Variants in TMEM63B observed in about 807,000 individuals in gnomAD.
TMEM63B encodes transmembrane protein 63B.
In TMEM63B, 23 loss-of-function variants were observed where a neutral mutation model predicts 102.6. That is an observed-to-expected ratio of 0.22 (90% CI 0.16 to 0.32). The LOEUF is 0.32. Ranked by LOEUF, TMEM63B falls within the 10% of genes least tolerant of loss-of-function variation. The pLI, the probability that TMEM63B is intolerant of heterozygous loss-of-function variation, is 1.00. For missense variants in TMEM63B, 628 were observed against 1,095.9 expected (o/e 0.57, Z 6.03); for synonymous variants, 444 against 437.0 (o/e 1.02, Z -0.20).
intron 8 of TMEM63B, 78 bp downstream of exon 8, chr6:44,139,837 C>A: frequency 6.3e-7 from 1 of 1,577,872 alleles, no homozygotes; most frequent in Non-Finnish European, 8.7e-7. Flanking sequence ...GGAGGAAAGG[C>A]AGCTGCGTTG....
rs140159200 is a variant in TMEM63B, at chr6:44,141,030, G to A, written c.714G>A (p.Val238=). Reference sequence around the variant, plus strand: ...AAACCCACTCCCCTGTCACCCAGGTGAAGCGGACCCTCTTCATCAATGGAA... The same window carrying A: ...AAACCCACTCCCCTGTCACCCAGGTAAAGCGGACCCTCTTCATCAATGGAA... The part of the protein sequence containing the change: ...SKMRYKEDDL[V]KRTLFINGIS... Residue 238 remains valine (V), a splice_region_variant and synonymous_variant, in exon 10 of 24, where the codon GTG becomes GTA. Coordinates refer to ENST00000323267, the MANE Select transcript of TMEM63B (RefSeq NM_018426.3). The A allele has an allele frequency of 4.2e-5, 68 of 1,614,014 alleles. No homozygotes were observed. The East Asian group carries it at 1.3e-3, about 31-fold the overall frequency.
At chr6:44,137,474 G>T (rs901430541) in intron 5 of TMEM63B, among the ~76,000 whole-genome samples, 2 of 152,120 alleles carry the variant, frequency 1.3e-5, no homozygotes, top group African/African-American at 4.8e-5. Context: ...TGTCACATCT[G>T]CTAGCCAGAA....
At chr6:44,138,667 G>T in intron 6 of TMEM63B, 150 bp downstream of exon 6, 1 of 842,524 alleles carries the variant, frequency 1.2e-6, no homozygotes, top group Non-Finnish European at 1.9e-6. Context: ...CCAAGCCTCG[G>T]GTGCCTGAGC....
Position 44,134,512 on chromosome 6 carries a change from A to G in TMEM63B, c.-24-49A>G, listed in dbSNP as rs957773377. The G allele has an allele frequency of 7.0e-6, 11 of 1,569,696 alleles. No individual in the cohort carries two copies. In the African/African-American group the frequency reaches 1.2e-4, roughly 17 times the overall value. On this transcript the variant is annotated intron_variant, in intron 1 of 23. Transcript: ENST00000323267. Reference sequence around the variant, plus strand: ...CTCCCCACGCCCACCCTACTGGGCCATGAAGGGGATGGGGGCAAGCCCAGC... The same window carrying G: ...CTCCCCACGCCCACCCTACTGGGCCGTGAAGGGGATGGGGGCAAGCCCAGC...
Position 44,150,008 on chromosome 6 carries a change from C to G in TMEM63B, c.1520+43C>G. The G allele has an allele frequency of 6.4e-7, 1 of 1,566,518 alleles. No individual in the cohort carries two copies. Among genetic ancestry groups the G allele is most frequent in the South Asian group, 1.1e-5 (1 of 87,584 alleles). ...ACACCACACCTCGCTGTGGCCTGCC[C>G]TCAATGACCCATCCTCTCTGGGCAG... is the stretch of plus-strand genomic sequence containing the variant. On this transcript the variant is annotated intron_variant, in intron 16 of 23. Coordinates refer to ENST00000323267, the MANE Select transcript of TMEM63B (RefSeq NM_018426.3). The surrounding 1 kb of genome is among the most constrained non-coding windows in gnomAD (Gnocchi z 4.7).
chr6:44,130,223 C>G (rs1220184495), intron 1 of TMEM63B, among the ~76,000 whole-genome samples: 1 of 152,182 alleles, frequency 6.6e-6, no homozygotes, highest in Non-Finnish European at 1.5e-5. Context: ...AGCCAGGCAG[C>G]CTGGGTCCTT....
chr6:44,138,944 G>A (rs985281206), intron 6 of TMEM63B: 4 of 253,032 alleles, frequency 1.6e-5, no homozygotes, highest in South Asian at 5.3e-5. Context: ...CAGCACTGCC[G>A]CCACCACTCC....
intron 4 of TMEM63B, 51 bp from the exon 5 acceptor site, chr6:44,136,297 CG>C: frequency 6.6e-7 from 1 of 1,524,500 alleles, no homozygotes; most frequent in Non-Finnish European, 9.1e-7. Flanking sequence ...CCCAGCTTCC[CG>C]GGGGCTCAGA....
rs1218173363 is a variant in TMEM63B at position 44,127,656 on chromosome 6, C to G, written c.-47C>G. 1.3e-5 allele frequency: 2 copies of G among 150,396 alleles called. No individual in the cohort carries two copies. Among genetic ancestry groups the G allele is most frequent in the Non-Finnish European group, 3.0e-5 (2 of 67,162 alleles). The allele number at this position is 150,396 out of a possible 1,614,324, so 9.3% of individuals were successfully genotyped here. On this transcript the variant is annotated 5_prime_UTR_variant, in exon 1 of 24. Coordinates refer to ENST00000323267, the MANE Select transcript of TMEM63B (RefSeq NM_018426.3). ...CCCGCCCCAACCCGGGGCTCCGAGC[C>G]GGAGCCGAGTCTGCGCCTGGGGGTG...
intron 1 of TMEM63B, among the ~76,000 whole-genome samples, chr6:44,130,968 A>C (rs1778155192): frequency 6.6e-6 from 1 of 151,644 alleles, no homozygotes; most frequent in African/African-American, 2.4e-5. Flanking sequence ...CCCAGGCTGG[A>C]GTGCAGTGGC....
intron 12 of TMEM63B, 38 bp downstream of exon 12, chr6:44,147,538 G>A (rs1195443294): frequency 1.2e-6 from 2 of 1,609,026 alleles, no homozygotes; most frequent in Non-Finnish European, 1.7e-6. Flanking sequence ...GGAGAAGTTG[G>A]ACAGGTCCTG....
chr6:44,132,033 C>T (rs547800345), intron 1 of TMEM63B, among the ~76,000 whole-genome samples: 10 of 152,270 alleles, frequency 6.6e-5, no homozygotes, highest in African/African-American at 2.2e-4. Flanking sequence ...GAAACTCAAC[C>T]CAGCAACCCC....
At position 44,151,933 on chromosome 6, in the gene TMEM63B, C is replaced by T; in HGVS notation, c.1761C>T (p.Arg587=). Residue 587 remains arginine (R), a synonymous_variant, in exon 19 of 24, where the codon CGC becomes CGT. Coordinates refer to ENST00000323267, the MANE Select transcript of TMEM63B (RefSeq NM_018426.3). ...AFIGNAMDLL[R]IPGLLMYMIR... is the part of the protein sequence containing the mutation. ...TCGGCAACGCCATGGACCTGCTGCG[C>T]ATCCCAGGCCTGCTCATGTACATGA... is the stretch of plus-strand genomic sequence containing the variant. 6.2e-7 allele frequency: 1 copy of T among 1,613,486 alleles called. No individual in the cohort carries two copies. The highest frequency in any genetic ancestry group is 8.5e-7 in the Non-Finnish European group (1 of 1,179,700).
At chr6:44,127,945 G>C (rs1777514375) in intron 1 of TMEM63B, 1 of 151,456 alleles carries the variant, frequency 6.6e-6, no homozygotes, top group African/African-American at 2.4e-5. Flanking sequence ...CCAAAGGGTG[G>C]GACCCCCGCC....
chr6:44,147,682 G>C (rs751633197), intron 12 of TMEM63B, among the ~76,000 whole-genome samples, 182 bp downstream of exon 12: 14 of 152,182 alleles, frequency 9.2e-5, no homozygotes, highest in Admixed American at 3.9e-4. Flanking sequence ...ATTAGAAAAT[G>C]TCAGCCAAAA....
chr6:44,150,706 G>T lies in TMEM63B; in HGVS notation c.1673+77G>T. On this transcript the variant is annotated intron_variant, in intron 18 of 23. Coordinates refer to ENST00000323267, the MANE Select transcript of TMEM63B (RefSeq NM_018426.3). The surrounding 1 kb of genome is among the most constrained non-coding windows in gnomAD (Gnocchi z 4.7). ...GCTTGAGAGACATTGCCAGCCCCAT[G>T]GGAGGGTGCAACAAAGCTTCCAACT... 6.8e-7 allele frequency: 1 copy of T among 1,463,516 alleles called. No individual in the cohort carries two copies. Among genetic ancestry groups the T allele is most frequent in the South Asian group, 1.2e-5 (1 of 86,392 alleles). The allele number at this position is 1,463,516 out of a possible 1,614,324, so 90.7% of individuals were successfully genotyped here.
chr6:44,140,141 G>A, intron 8 of TMEM63B, 111 bp from the exon 9 acceptor site: 1 of 812,454 alleles, frequency 1.2e-6, no homozygotes, highest in East Asian at 2.5e-5. Flanking sequence ...AAGGCTGGTG[G>A]CAGTAGAGGG....
chr6:44,135,114 T>A lies in TMEM63B; in HGVS notation c.239+18T>A. 6.2e-7 allele frequency: 1 copy of A among 1,613,354 alleles called. No homozygotes were observed. The highest frequency in any genetic ancestry group is 8.5e-7 in the Non-Finnish European group (1 of 1,179,338). ...GCAGACAGGTAAGGGTCTGGGACCC[T>A]CCCTCTAGCTCTCCACACACACATC... is the stretch of plus-strand genomic sequence containing the variant. On this transcript the variant is annotated intron_variant, in intron 3 of 23. Transcript: ENST00000323267.
In TMEM63B at chr6:44,152,512, T is replaced by C. The variant is rs979491078; in HGVS notation, c.1837-81T>C. 6.8e-6 allele frequency: 7 copies of C among 1,029,214 alleles called. No homozygotes were observed. The highest frequency in any genetic ancestry group is 2.4e-5 in the East Asian group (1 of 42,134). The allele number at this position is 1,029,214 out of a possible 1,614,324, so 63.8% of individuals were successfully genotyped here. ...CTTTTCCGGCCCCAGAGGTCCTGGC[T>C]CCCTTCCCCCTCCCTCCTTCCCTGC... On this transcript the variant is annotated intron_variant, in intron 19 of 23. Coordinates refer to ENST00000323267, the MANE Select transcript of TMEM63B (RefSeq NM_018426.3). This position sits in a 1 kb window ranked among gnomAD's most constrained non-coding sequence, Gnocchi z 6.4.
Sources: gnomAD v4.1 joint callset for allele counts (sites outside exome capture counted in the v4.1 genomes callset) on GRCh38, gnomAD v4.1.1 for gene constraint, Gnocchi (gnomAD v3.1) non-coding constraint, MANE v1.5 for transcripts, NCBI Gene and HGNC (gene_info 2026-07-23, HGNC 2026-07-21) for gene names.